Variants in MCM5 observed in about 807,000 individuals in gnomAD.
MCM5 encodes minichromosome maintenance complex component 5.
In MCM5, 46 loss-of-function variants were observed where a neutral mutation model predicts 79.9. The observed-to-expected ratio is 0.58, with a 90% CI of 0.45 to 0.74. The LOEUF is 0.74. Ranked by LOEUF, MCM5 falls within the 30% of genes least tolerant of loss-of-function variation. MCM5 has a pLI of 0.00. For missense variants in MCM5, 883 were observed against 1,017.0 expected (o/e 0.87, Z 1.79); for synonymous variants, 404 against 390.5 (o/e 1.03, Z -0.41).
chr22:35,416,895 C>T, intron 12 of MCM5, 81 bp downstream of exon 12: 1 of 1,511,602 alleles, frequency 6.6e-7, no homozygotes, highest in Non-Finnish European at 9.1e-7. Flanking sequence ...GAATGGAGAA[C>T]AAGGGCCTTG....
In MCM5 at chr22:35,410,915, G is replaced by T; in HGVS notation, c.919+5G>T. ...AGGTGGACACAGATGGCTCTGGTGA[G>T]TTGGCTTTGGGGTCCTGGCTTAGCC... On this transcript the variant is annotated splice_donor_5th_base_variant and intron_variant, in intron 7 of 16. Transcript: ENST00000216122. 6.3e-7 allele frequency: 1 copy of T among 1,588,352 alleles called. No individual in the cohort carries two copies. Among genetic ancestry groups the T allele is most frequent in the Non-Finnish European group, 8.6e-7 (1 of 1,164,200 alleles).
intron 13 of MCM5, among the ~76,000 whole-genome samples, chr22:35,419,568 C>T (rs1048171585): frequency 1.3e-5 from 2 of 152,180 alleles, no homozygotes; most frequent in Non-Finnish European, 2.9e-5. Context: ...TATGGGGGAC[C>T]TTGTGGCAAG....
At chr22:35,446,943 C>A in the MCM5 span, among the ~76,000 whole-genome samples, 1 of 152,224 alleles carries the variant, frequency 6.6e-6, no homozygotes, top group Non-Finnish European at 1.5e-5. Flanking sequence ...CCTGCATGAG[C>A]CAAGCCCTCC....
chr22:35,408,703 G>GCAAC, intron 6 of MCM5, 140 bp downstream of exon 6: 1 of 818,920 alleles, frequency 1.2e-6, no homozygotes, highest in Non-Finnish European at 1.9e-6. Flanking sequence ...CACCTGCTCT[G>GCAAC]TGCCTAATGC....
In MCM5 at chr22:35,401,305, A is replaced by T. The variant is rs1233756386; in HGVS notation, c.167+700A>T. The T allele has an allele frequency of 1.6e-5, 7 of 438,026 alleles. No homozygotes were observed. In the East Asian group the frequency reaches 5.0e-4, roughly 32 times the overall value. The allele number at this position is 438,026 out of a possible 1,614,324, so 27.1% of individuals were successfully genotyped here. A position where few individuals can be genotyped will look rare whatever the true frequency, so the allele number is the denominator to read the frequency against. On this transcript the variant is annotated intron_variant, in intron 2 of 16. Transcript: ENST00000216122. ...GACCTTACAAACTCAAGTTCCCTGTAGGTGTAAAAGGTGAAGATGGCAGTT... is the reference window on the plus strand; with the variant it reads ...GACCTTACAAACTCAAGTTCCCTGTTGGTGTAAAAGGTGAAGATGGCAGTT...
intron 15 of MCM5, chr22:35,422,469 G>A (rs1932721947): frequency 1.3e-5 from 2 of 152,304 alleles, no homozygotes; most frequent in African/African-American, 4.8e-5. Flanking sequence ...GCACTTGGGT[G>A]AGGAATGGGG....
chr22:35,453,784 GA>G, the MCM5 span, among the ~76,000 whole-genome samples: 492 of 142,640 alleles, frequency 3.4e-3, 7 homozygotes, highest in African/African-American at 0.013. Context: ...TAGGAAGACA[GA>G]GATAGAGACA....
intron 4 of MCM5, among the ~76,000 whole-genome samples, chr22:35,406,047 C>T (rs547050060): frequency 7.3e-4 from 111 of 152,084 alleles, no homozygotes; most frequent in African/African-American, 2.5e-3. Context: ...ATATTACTGC[C>T]TTATTGTCCG....
At chr22:35,450,981 G>A in the MCM5 span, among the ~76,000 whole-genome samples, 34 of 152,298 alleles carry the variant, frequency 2.2e-4, no homozygotes, top group Admixed American at 1.4e-3. Flanking sequence ...GATGAGCAAG[G>A]GAATGAATGA....
chr22:35,405,852 A>G (rs1932196102), intron 4 of MCM5, among the ~76,000 whole-genome samples: 1 of 151,984 alleles, frequency 6.6e-6, no homozygotes, highest in Non-Finnish European at 1.5e-5. Flanking sequence ...TCTACTAAAA[A>G]TACAAAAAGT....
the MCM5 span, among the ~76,000 whole-genome samples, chr22:35,433,533 T>TG: frequency 2.0e-4 from 30 of 152,168 alleles, no homozygotes; most frequent in South Asian, 6.2e-4. Context: ...TTGGGGACCT[T>TG]GGGGGGGTCT....
At chr22:35,433,837 C>A in the MCM5 span, among the ~76,000 whole-genome samples, 1,994 of 152,336 alleles carry the variant, frequency 0.013, 25 homozygotes, top group Middle Eastern at 0.031. Context: ...TGGTGAGGTC[C>A]TTCCCCTCAA....
At chr22:35,422,051 A>G (rs929115855) in intron 15 of MCM5, 3 of 177,770 alleles carry the variant, frequency 1.7e-5, no homozygotes, top group East Asian at 2.8e-4. Flanking sequence ...TACGCTGGGG[A>G]AAATCTGTTC....
At chr22:35,428,720 C>A (rs905287863), downstream of MCM5, among the ~76,000 whole-genome samples, 5 of 152,144 alleles carry the variant, frequency 3.3e-5, no homozygotes, top group African/African-American at 9.7e-5. Context: ...CTTGGTCTTC[C>A]AGGTCAGGGA....
chr22:35,411,186 T>C, intron 7 of MCM5: 1 of 278,648 alleles, frequency 3.6e-6, no homozygotes, highest in South Asian at 7.6e-5. Flanking sequence ...AAGTCTTCAC[T>C]TCTGTGACAG....
chr22:35,452,258 G>T, the MCM5 span, among the ~76,000 whole-genome samples: 2 of 152,060 alleles, frequency 1.3e-5, no homozygotes, highest in Non-Finnish European at 2.9e-5. Context: ...CCCCCTGCCT[G>T]GATCACTCCA....
the MCM5 span, among the ~76,000 whole-genome samples, chr22:35,448,484 ACAT>A: frequency 6.6e-6 from 1 of 151,864 alleles, no homozygotes; most frequent in African/African-American, 2.4e-5. Context: ...GCCCCACAAA[ACAT>A]CATCGTATTC....
the MCM5 span, among the ~76,000 whole-genome samples, chr22:35,449,416 C>T: frequency 1.3e-5 from 2 of 152,140 alleles, no homozygotes; most frequent in African/African-American, 2.4e-5. Context: ...CCAGCCATGG[C>T]CTCTCTGTCC....
the MCM5 span, among the ~76,000 whole-genome samples, chr22:35,438,435 A>C: frequency 1.4e-4 from 16 of 110,418 alleles, no homozygotes; most frequent in South Asian, 2.9e-4. Context: ...ATCCATCCAC[A>C]TATTCATCCA....
Sources: allele counts gnomAD v4.1 joint callset (sites outside exome capture counted in the v4.1 genomes callset), GRCh38; gene constraint gnomAD v4.1.1; transcripts MANE v1.5; gene names NCBI Gene and HGNC (gene_info 2026-07-23, HGNC 2026-07-21).